The following TRDN variants were observed in gnomAD, a reference collection of about 807,000 sequenced individuals.
TRDN encodes triadin in skeletal muscle.
In TRDN, 161 loss-of-function variants were observed where a neutral mutation model predicts 149.7. That is an observed-to-expected ratio of 1.08 (90% CI 0.95 to 1.23). The LOEUF is 1.23. TRDN is among the 50% of genes most tolerant of loss of function. The probability of loss-of-function intolerance (pLI) is 0.00; values close to 1 mark genes in which losing one functional copy is unlikely to be tolerated. For missense variants in TRDN, 896 were observed against 823.5 expected (o/e 1.09, Z -1.08); for synonymous variants, 294 against 250.5 (o/e 1.17, Z -1.64).
intron 2 of TRDN, among the ~76,000 whole-genome samples, chr6:123,566,620 T>A (rs1445828361): frequency 6.6e-6 from 1 of 152,208 alleles, no homozygotes; most frequent in Non-Finnish European, 1.5e-5. Context: ...GCCTTCCAAA[T>A]CATTTCCAGT....
chr6:123,616,168 C>T (rs914760939), intron 1 of TRDN, among the ~76,000 whole-genome samples: 3 of 151,996 alleles, frequency 2.0e-5, no homozygotes, highest in African/African-American at 7.2e-5. Context: ...CTTGGCAACA[C>T]AGTAAGATCC....
chr6:123,550,381 G>C (rs1403315187), intron 2 of TRDN, among the ~76,000 whole-genome samples: 2 of 152,030 alleles, frequency 1.3e-5, no homozygotes, highest in African/African-American at 4.8e-5. Flanking sequence ...GAGGAGGACA[G>C]AGTGATCAAC....
chr6:123,225,934 T>C (rs1775342243), intron 38 of TRDN, among the ~76,000 whole-genome samples: 1 of 151,826 alleles, frequency 6.6e-6, no homozygotes, highest in Admixed American at 6.6e-5. Flanking sequence ...TTGTCTTATT[T>C]ATTTAGATTT....
intron 1 of TRDN, among the ~76,000 whole-genome samples, chr6:123,574,877 TATATATATATATATATAC>T (rs1005302487): frequency 2.0e-4 from 25 of 127,994 alleles, no homozygotes; most frequent in South Asian, 1.7e-3. Flanking sequence ...TATATATATA[TATATATATATATATATAC>T]ACACATTTTC....
intron 7 of TRDN, among the ~76,000 whole-genome samples, chr6:123,510,580 A>G (rs1225745803): frequency 6.6e-6 from 1 of 151,904 alleles, no homozygotes; most frequent in Non-Finnish European, 1.5e-5. Flanking sequence ...GCATATTATT[A>G]TGGTACTTTC....
intron 10 of TRDN, chr6:123,464,463 A>T (rs1024838178): frequency 7.3e-5 from 71 of 976,506 alleles, no homozygotes; most frequent in Non-Finnish European, 8.6e-5. Flanking sequence ...ATCATCTTAG[A>T]GATGGCAAAA....
At chr6:123,281,712 T>C (rs893524198) in intron 24 of TRDN, among the ~76,000 whole-genome samples, 3 of 152,088 alleles carry the variant, frequency 2.0e-5, no homozygotes, top group African/African-American at 7.2e-5. Context: ...AGTTCTGCTA[T>C]TTATAAAACC....
chr6:123,630,939 C>A (rs1785964521), intron 1 of TRDN, among the ~76,000 whole-genome samples: 1 of 151,944 alleles, frequency 6.6e-6, no homozygotes, highest in African/African-American at 2.4e-5. Flanking sequence ...CCTCCCCAGA[C>A]CAAGAGTGGT....
intron 7 of TRDN, among the ~76,000 whole-genome samples, chr6:123,511,633 A>G (rs1454689987): frequency 6.6e-6 from 1 of 152,174 alleles, no homozygotes; most frequent in African/African-American, 2.4e-5. Flanking sequence ...TAGCCACTTA[A>G]AATAACACCC....
At chr6:123,250,198 C>T (rs918822116) in intron 38 of TRDN, among the ~76,000 whole-genome samples, 2 of 151,962 alleles carry the variant, frequency 1.3e-5, no homozygotes, top group African/African-American at 4.8e-5. Context: ...GACGAGAACA[C>T]AAACAAAAGA....
intron 7 of TRDN, 135 bp downstream of exon 7, chr6:123,512,168 T>A (rs1779214295): frequency 3.8e-6 from 2 of 525,712 alleles, no homozygotes; most frequent in Non-Finnish European, 6.8e-6. Context: ...AGATATTAAA[T>A]TTTAAAGGTA....
intron 29 of TRDN, among the ~76,000 whole-genome samples, chr6:123,272,523 G>C (rs72972692): frequency 0.42 from 63,194 of 151,414 alleles, 14,870 homozygotes; most frequent in Admixed American, 0.55. Context: ...GGGAAGGAAG[G>C]GTGAAGAAAA....
At chr6:123,608,173 C>A (rs957720862) in intron 1 of TRDN, among the ~76,000 whole-genome samples, 7 of 152,198 alleles carry the variant, frequency 4.6e-5, no homozygotes, top group African/African-American at 1.7e-4. Flanking sequence ...ACAACATGGG[C>A]TCAATTCCTT....
chr6:123,580,153 G>T (rs1039043128), intron 1 of TRDN, among the ~76,000 whole-genome samples: 1 of 151,918 alleles, frequency 6.6e-6, no homozygotes, highest in African/African-American at 2.4e-5. Flanking sequence ...GCTTTTTTTG[G>T]TCAGTAGGGT....
At chr6:123,328,081 C>T (rs1165329657) in intron 23 of TRDN, among the ~76,000 whole-genome samples, 1 of 152,180 alleles carries the variant, frequency 6.6e-6, no homozygotes, top group Non-Finnish European at 1.5e-5. Context: ...TTTCTCCATA[C>T]TGTTATAATA....
intron 24 of TRDN, among the ~76,000 whole-genome samples, chr6:123,308,381 G>C (rs1287610167): frequency 1.3e-5 from 2 of 150,154 alleles, no homozygotes; most frequent in Admixed American, 1.3e-4. Flanking sequence ...TAAATACCCA[G>C]TAATTGGATT....
chr6:123,308,967 T>G lies in TRDN; in HGVS notation c.1510+7490A>C, dbSNP rs548886285. Among the ~76,000 whole-genome samples the G allele has an allele frequency of 1.6e-4, 25 of 152,192 alleles. No homozygotes were observed. In the South Asian group the frequency reaches 5.2e-3, roughly 32 times the overall value. On this transcript the variant is annotated intron_variant, in intron 24 of 40. Transcript: ENST00000334268. ...TCATGGCTCTAAATAATTTTGAAAGTAATCAATGTTAATTAATTTAATGTA... is the reference window on the plus strand; with the variant it reads ...TCATGGCTCTAAATAATTTTGAAAGGAATCAATGTTAATTAATTTAATGTA...
At chr6:123,474,923 G>C (rs1188568360) in intron 9 of TRDN, among the ~76,000 whole-genome samples, 1 of 152,060 alleles carries the variant, frequency 6.6e-6, no homozygotes, top group Non-Finnish European at 1.5e-5. Context: ...CGCATTCAAA[G>C]CAGTGTGTAG....
intron 2 of TRDN, among the ~76,000 whole-genome samples, chr6:123,569,259 C>T (rs1393116517): frequency 6.6e-6 from 1 of 152,186 alleles, no homozygotes; most frequent in Non-Finnish European, 1.5e-5. Flanking sequence ...TCCTCATTTC[C>T]ATCTGAGACC....
Sources: gnomAD v4.1 joint callset for allele counts (sites outside exome capture counted in the v4.1 genomes callset) on GRCh38, gnomAD v4.1.1 for gene constraint, MANE v1.5 for transcripts, NCBI Gene and HGNC (gene_info 2026-07-23, HGNC 2026-07-21) for gene names.